The following OLA1 variants were observed in gnomAD, a reference collection of about 807,000 sequenced individuals.
The protein encoded by OLA1 is Obg like ATPase 1.
OLA1 carries 14 observed loss-of-function variants against 48.4 expected under a neutral mutation model. The observed-to-expected ratio is 0.29, with a 90% confidence interval of 0.19 to 0.45. OLA1 has a LOEUF of 0.45. Ranked by LOEUF, OLA1 falls within the 20% of genes least tolerant of loss-of-function variation. OLA1 has a pLI of 1.00. For synonymous variants in OLA1, 127 were observed against 150.4 expected, an observed-to-expected ratio of 0.84 and a Z score of 1.14; for missense variants, 325 against 467.1, an observed-to-expected ratio of 0.70 and a Z score of 2.80.
At chr2:174,245,710 A>G (rs1444606811) in intron 2 of OLA1, among the ~76,000 whole-genome samples, 1 of 152,164 alleles carries the variant, frequency 6.6e-6, no homozygotes, top group Non-Finnish European at 1.5e-5. Flanking sequence ...CCTGGCCAAC[A>G]TGGTAAAACC....
Position 174,198,885 on chromosome 2 carries a change from G to A in OLA1, c.373+24148C>T, listed in dbSNP as rs183401043. On this transcript the variant is annotated intron_variant, in intron 4 of 10. Coordinates refer to ENST00000284719, the MANE Select transcript of OLA1 (RefSeq NM_013341.5). ...TCACTGTATTGACATCAGCAGTCAT[G>A]GTACAAAAGTAATTGTGGGAAAAAC... 3.3e-5 allele frequency among the ~76,000 whole-genome samples: 5 copies of A among 152,178 alleles called. No individual in the cohort carries two copies. In the East Asian group the frequency reaches 5.8e-4, roughly 18 times the overall value.
At chr2:174,114,791 C>A (rs1000363131) in intron 7 of OLA1, among the ~76,000 whole-genome samples, 1 of 152,150 alleles carries the variant, frequency 6.6e-6, no homozygotes, top group South Asian at 2.1e-4. Context: ...GTTGGAGTAA[C>A]CCATTCCTAA....
At chr2:174,100,968 T>A (rs1274474012) in intron 7 of OLA1, among the ~76,000 whole-genome samples, 1 of 152,220 alleles carries the variant, frequency 6.6e-6, no homozygotes, top group Non-Finnish European at 1.5e-5. Context: ...CTATCATGAA[T>A]AAGGCTGCTA....
intron 4 of OLA1, among the ~76,000 whole-genome samples, chr2:174,156,928 T>C (rs568896757): frequency 6.6e-6 from 1 of 151,690 alleles, no homozygotes; most frequent in Admixed American, 6.6e-5. Flanking sequence ...ATGTTGAAGA[T>C]CTAATAGCTT....
intron 4 of OLA1, among the ~76,000 whole-genome samples, chr2:174,207,077 G>T (rs1290888124): frequency 1.3e-5 from 2 of 152,106 alleles, no homozygotes; most frequent in Non-Finnish European, 1.5e-5. Context: ...TATGTTCATG[G>T]TTACTAAAGG....
At chr2:174,236,945 A>G (rs1688865627) in intron 2 of OLA1, among the ~76,000 whole-genome samples, 1 of 152,196 alleles carries the variant, frequency 6.6e-6, no homozygotes, top group East Asian at 1.9e-4. Flanking sequence ...ACACTACTGT[A>G]GACTTTATGA....
chr2:174,247,877 A>G, intron 1 of OLA1: 1 of 1,314,818 alleles, frequency 7.6e-7, no homozygotes, highest in Middle Eastern at 2.5e-4. Flanking sequence ...AATTACTCCC[A>G]CCCTTGGACT....
intron 7 of OLA1, among the ~76,000 whole-genome samples, chr2:174,088,670 A>G (rs1377045810): frequency 6.6e-6 from 1 of 152,178 alleles, no homozygotes; most frequent in Non-Finnish European, 1.5e-5. Context: ...ATACCAAAAA[A>G]GTAAATTCTA....
At chr2:174,170,289 C>A (rs1483389752) in intron 4 of OLA1, among the ~76,000 whole-genome samples, 1 of 152,008 alleles carries the variant, frequency 6.6e-6, no homozygotes, top group African/African-American at 2.4e-5. Context: ...AAATAAAGGG[C>A]ACCTGTAAAC....
chr2:174,095,809 A>T (rs1685241492), intron 7 of OLA1, among the ~76,000 whole-genome samples: 1 of 152,196 alleles, frequency 6.6e-6, no homozygotes, highest in South Asian at 2.1e-4. Context: ...AGAATATATA[A>T]AGAACTCTTA....
At chr2:174,137,685 G>A (rs1686343007) in intron 5 of OLA1, among the ~76,000 whole-genome samples, 1 of 152,320 alleles carries the variant, frequency 6.6e-6, no homozygotes. Context: ...TTAGGGCTAT[G>A]GCTTCTTTTC....
chr2:174,163,539 A>G (rs1482621949), intron 4 of OLA1, among the ~76,000 whole-genome samples: 1 of 151,032 alleles, frequency 6.6e-6, no homozygotes, highest in African/African-American at 2.4e-5. Context: ...AACTACGAAA[A>G]TTAGCCGGGC....
intron 5 of OLA1, among the ~76,000 whole-genome samples, chr2:174,135,072 C>A (rs1261673014): frequency 6.7e-6 from 1 of 149,174 alleles, no homozygotes; most frequent in African/African-American, 2.5e-5. Context: ...AGGCAGGAGA[C>A]TGGCATGAAC....
chr2:174,204,218 G>A lies in OLA1; in HGVS notation c.373+18815C>T, dbSNP rs1319019617. 3.3e-5 allele frequency among the ~76,000 whole-genome samples: 5 copies of A among 152,074 alleles called. No individual in the cohort carries two copies. The East Asian group carries it at 9.7e-4, about 30-fold the overall frequency. ...AGATCGAGACCATCCTGGCTAACAT[G>A]GTGAAACCCCGTCTCCACTAAAATT... On this transcript the variant is annotated intron_variant, in intron 4 of 10. Coordinates refer to ENST00000284719, the MANE Select transcript of OLA1 (RefSeq NM_013341.5).
In OLA1 at chr2:174,171,934, C is replaced by T. The variant is rs143002222; in HGVS notation, c.374-29934G>A. On this transcript the variant is annotated intron_variant, in intron 4 of 10. Transcript: ENST00000284719. Reference sequence around the variant, plus strand: ...GCTGCCAACAGCCAGCCCACCACCACGGGCAGCGGCACAGGGAGCGGGGCC... The same window carrying T: ...GCTGCCAACAGCCAGCCCACCACCATGGGCAGCGGCACAGGGAGCGGGGCC... 940 of 153,182 alleles carry T rather than the reference C, an allele frequency of 6.1e-3. 22 individuals carry two copies. The highest frequency in any genetic ancestry group is 3.7e-3 in the East Asian group (19 of 5,204). The allele number at this position is 153,182 out of a possible 1,614,324, so 9.5% of individuals were successfully genotyped here.
At chr2:174,129,500 T>TAAATA (rs780518775) in intron 5 of OLA1, among the ~76,000 whole-genome samples, 19 of 143,300 alleles carry the variant, frequency 1.3e-4, no homozygotes, top group Admixed American at 4.3e-4. Flanking sequence ...AATAAATAAA[T>TAAATA]AATATTTATG....
chr2:174,096,595 C>G (rs1385557657), intron 7 of OLA1, among the ~76,000 whole-genome samples: 3 of 152,110 alleles, frequency 2.0e-5, no homozygotes, highest in Admixed American at 2.0e-4. Context: ...AGTATCAATT[C>G]AAATTACAGC....
At chr2:174,097,569 G>A (rs892341040) in intron 7 of OLA1, among the ~76,000 whole-genome samples, 1 of 151,758 alleles carries the variant, frequency 6.6e-6, no homozygotes, top group African/African-American at 2.4e-5. Context: ...TTGGGAGGCC[G>A]AGGTGGGTGG....
At chr2:174,161,695 C>T (rs1352852797) in intron 4 of OLA1, among the ~76,000 whole-genome samples, 1 of 150,386 alleles carries the variant, frequency 6.6e-6, no homozygotes, top group African/African-American at 2.4e-5. Context: ...CACACACACA[C>T]ACACACACAC....
Sources: allele counts gnomAD v4.1 joint callset (sites outside exome capture counted in the v4.1 genomes callset), GRCh38; gene constraint gnomAD v4.1.1; transcripts MANE v1.5; gene names NCBI Gene and HGNC (gene_info 2026-07-23, HGNC 2026-07-21).